Variants in DCC observed in about 807,000 individuals in gnomAD.
DCC encodes the protein DCC netrin 1 receptor.
Under a neutral mutation model 172.5 loss-of-function variants are expected in DCC, and 58 were observed. The observed-to-expected ratio is 0.34, with a 90% CI of 0.27 to 0.42. The LOEUF (loss-of-function observed/expected upper bound fraction) is 0.42. Among genes scored for constraint, DCC ranks in the 10% least tolerant of loss-of-function variants. The probability of loss-of-function intolerance (pLI) is 1.00; values close to 1 mark genes in which losing one functional copy is unlikely to be tolerated. For synonymous variants in DCC, 709 were observed against 644.5 expected, an observed-to-expected ratio of 1.10 and a Z score of -1.52; for missense variants, 1,740 against 1,791.0, an observed-to-expected ratio of 0.97 and a Z score of 0.51.
Position 53,148,865 on chromosome 18 carries a change from C to CTTTTTTTTTTTTTTTTTTTTTTTTT in DCC, c.1262-8474_1262-8473insTTTTTTTTTTTTTTTTTTTTTTTTT, listed in dbSNP as rs5824990. Among the ~76,000 whole-genome samples, 79 of 109,772 alleles carry CTTTTTTTTTTTTTTTTTTTTTTTTT rather than the reference C, an allele frequency of 7.2e-4. 12 individuals carry two copies. The highest frequency in any genetic ancestry group is 2.1e-3 in the African/African-American group (57 of 26,706). 72.0% of individuals were successfully genotyped at this position (109,772 alleles called of 152,430 possible). On this transcript the variant is annotated intron_variant, in intron 7 of 28. Coordinates refer to ENST00000442544, the MANE Select transcript of DCC (RefSeq NM_005215.4). ...AAACTAGCTCAGAACTTCCCAATGC[C>CTTTTTTTTTTTTTTTTTTTTTTTTT]TTTTTTTTTTTTTTTTTGGACAAAG... is the stretch of plus-strand genomic sequence containing the variant.
At chr18:52,393,632 T>C (rs1986111376) in intron 1 of DCC, among the ~76,000 whole-genome samples, 1 of 152,052 alleles carries the variant, frequency 6.6e-6, no homozygotes, top group Admixed American at 6.6e-5. Flanking sequence ...TAAATCATAA[T>C]ATCTGGGACT....
chr18:53,378,395 A>G (rs557798767), intron 15 of DCC, among the ~76,000 whole-genome samples: 7 of 151,352 alleles, frequency 4.6e-5, no homozygotes, highest in Non-Finnish European at 8.8e-5. Flanking sequence ...AAGATGTTCA[A>G]TGGCGATTGT....
At chr18:52,824,747 G>A (rs535157092) in intron 2 of DCC, among the ~76,000 whole-genome samples, 2 of 152,142 alleles carry the variant, frequency 1.3e-5, no homozygotes, top group South Asian at 4.2e-4. Context: ...GAAGCAGGCA[G>A]ATCACCTGAG....
At position 52,692,502 on chromosome 18, in the gene DCC, AGT is replaced by A. The variant is rs2035943660; in HGVS notation, c.92-59551_92-59550del. Among the ~76,000 whole-genome samples, 4 of 152,060 alleles carry A rather than the reference AGT, an allele frequency of 2.6e-5. No individual in the cohort carries two copies. In the South Asian group the frequency reaches 8.3e-4, roughly 32 times the overall value. On this transcript the variant is annotated intron_variant, in intron 1 of 28. Transcript: ENST00000442544. ...TGCTCAGGTTGGAGTGCAGTGATGC[AGT>A]CTCTGCTCACTGCAATCTCTGTCTC...
chr18:53,097,968 C>T (rs186769505), intron 7 of DCC, among the ~76,000 whole-genome samples: 3 of 152,174 alleles, frequency 2.0e-5, no homozygotes, highest in Non-Finnish European at 4.4e-5. Flanking sequence ...AGAGCTTCAA[C>T]GTATCAATTT....
chr18:53,530,603 T>C lies in DCC; in HGVS notation c.4294T>C (p.Leu1432=). The C allele has an allele frequency of 6.2e-7, 1 of 1,604,834 alleles. No homozygotes were observed. The highest frequency in any genetic ancestry group is 2.2e-5 in the East Asian group (1 of 44,822). ...TGATCTGAGTGAACAAATGGCAAGTTTGGAAGGACTCATGAAGCAGCTTAA... is the reference window on the plus strand; with the variant it reads ...TGATCTGAGTGAACAAATGGCAAGTCTGGAAGGACTCATGAAGCAGCTTAA... ...QDDLSEQMAS[L]EGLMKQLNAI... The change falls in exon 29 of 29, where the codon TTG becomes CTG. Residue 1432 remains leucine, a synonymous_variant. Transcript: ENST00000442544.
intron 1 of DCC, among the ~76,000 whole-genome samples, chr18:52,586,858 A>G (rs1477693563): frequency 1.3e-5 from 2 of 152,216 alleles, no homozygotes; most frequent in Non-Finnish European, 2.9e-5. Context: ...CTATCAGTCC[A>G]GCTCCTTCAG....
At chr18:52,516,544 T>C (rs1162201960) in intron 1 of DCC, among the ~76,000 whole-genome samples, 1 of 152,174 alleles carries the variant, frequency 6.6e-6, no homozygotes, top group Non-Finnish European at 1.5e-5. Flanking sequence ...TTCTTACAAC[T>C]GCATGTGAAT....
At chr18:52,762,857 T>C (rs2145151537) in intron 2 of DCC, among the ~76,000 whole-genome samples, 1 of 152,310 alleles carries the variant, frequency 6.6e-6, no homozygotes, top group Non-Finnish European at 1.5e-5. Context: ...GGATATAGTT[T>C]GTGTGACAGG....
At chr18:52,907,757 T>G (rs17389610) in intron 3 of DCC, among the ~76,000 whole-genome samples, 3,184 of 152,190 alleles carry the variant, frequency 0.021, 58 homozygotes, top group Admixed American at 0.04. Flanking sequence ...ACATGCTTAT[T>G]TCTGAGAAGC....
intron 5 of DCC, among the ~76,000 whole-genome samples, chr18:53,020,418 A>G (rs1403499593): frequency 6.6e-6 from 1 of 152,180 alleles, no homozygotes; most frequent in Admixed American, 6.5e-5. Context: ...CCTAACACCT[A>G]TATTAACATG....
At chr18:52,828,704 A>G (rs145667499) in intron 2 of DCC, among the ~76,000 whole-genome samples, 1 of 152,276 alleles carries the variant, frequency 6.6e-6, no homozygotes, top group Non-Finnish European at 1.5e-5. Context: ...ATAATTATTT[A>G]ATGCAAATGT....
At chr18:52,907,116 C>A (rs1444187349) in intron 3 of DCC, among the ~76,000 whole-genome samples, 1 of 151,180 alleles carries the variant, frequency 6.6e-6, no homozygotes, top group Non-Finnish European at 1.5e-5. Context: ...CATCTATTTA[C>A]ATTTCCATTA....
intron 12 of DCC, among the ~76,000 whole-genome samples, chr18:53,258,505 C>T (rs544673290): frequency 2.0e-3 from 308 of 152,158 alleles, no homozygotes; most frequent in African/African-American, 7.1e-3. Flanking sequence ...GTTCAGTTTC[C>T]ATGTAGTTGA....
chr18:52,782,332 G>A lies in DCC; in HGVS notation c.412+29958G>A, dbSNP rs575469631. On this transcript the variant is annotated intron_variant, in intron 2 of 28. Coordinates refer to ENST00000442544, the MANE Select transcript of DCC (RefSeq NM_005215.4). Reference sequence around the variant, plus strand: ...TTTTGGCAACACAGTTCGGTTTGTAGCATCCGCTTTGAACTAGCCTTTCAT... The same window carrying A: ...TTTTGGCAACACAGTTCGGTTTGTAACATCCGCTTTGAACTAGCCTTTCAT... 2.0e-5 allele frequency among the ~76,000 whole-genome samples: 3 copies of A among 152,242 alleles called. No individual in the cohort carries two copies. In the South Asian group the frequency reaches 6.2e-4, roughly 32 times the overall value.
chr18:52,915,850 T>C (rs2040031826), intron 3 of DCC, among the ~76,000 whole-genome samples: 1 of 152,092 alleles, frequency 6.6e-6, no homozygotes, highest in Admixed American at 6.6e-5. Context: ...AAAATGGGCT[T>C]CTTGAGTATT....
At chr18:52,964,321 A>C (rs1237762732) in intron 5 of DCC, among the ~76,000 whole-genome samples, 2 of 152,198 alleles carry the variant, frequency 1.3e-5, no homozygotes, top group African/African-American at 2.4e-5. Flanking sequence ...ATGATGTTGA[A>C]TCTAAAGACT....
intron 27 of DCC, among the ~76,000 whole-genome samples, chr18:53,522,993 A>G (rs1202208694): frequency 3.9e-5 from 6 of 152,344 alleles, no homozygotes; most frequent in African/African-American, 1.4e-4. Context: ...ACAGAATGGG[A>G]GAAATTTTTT....
chr18:53,467,214 G>C (rs892438584), intron 24 of DCC, among the ~76,000 whole-genome samples: 1 of 151,634 alleles, frequency 6.6e-6, no homozygotes, highest in African/African-American at 2.4e-5. Flanking sequence ...GTCACAATAT[G>C]GTTTTATATG....
Sources: allele counts gnomAD v4.1 joint callset (sites outside exome capture counted in the v4.1 genomes callset), GRCh38; gene constraint gnomAD v4.1.1; transcripts MANE v1.5; gene names NCBI Gene and HGNC (gene_info 2026-07-23, HGNC 2026-07-21).